The following PPME1 variants were observed in gnomAD, a reference collection of about 807,000 sequenced individuals.
PPME1 encodes protein phosphatase methylesterase 1, also known as testicular secretory protein Li 39.
A neutral mutation model predicts 56.9 loss-of-function variants in PPME1; 17 were observed. The ratio of observed to expected loss-of-function variants is 0.30; its 90% confidence interval spans 0.20 to 0.45. The LOEUF (loss-of-function observed/expected upper bound fraction) is 0.45. Ranked by LOEUF, PPME1 falls within the 20% of genes least tolerant of loss-of-function variation. PPME1 has a pLI of 1.00. For synonymous variants in PPME1, 122 were observed against 156.2 expected (o/e 0.78, Z 1.63); for missense variants, 357 against 483.2 (o/e 0.74, Z 2.45).
At chr11:74,196,797 T>C (rs1277380843) in intron 1 of PPME1, among the ~76,000 whole-genome samples, 4 of 152,206 alleles carry the variant, frequency 2.6e-5, no homozygotes, top group Non-Finnish European at 5.9e-5. Flanking sequence ...AATTTCTTAA[T>C]TAACTATTTT....
chr11:74,210,014 A>G (rs1317275233), intron 3 of PPME1, among the ~76,000 whole-genome samples: 1 of 152,204 alleles, frequency 6.6e-6, no homozygotes, highest in East Asian at 1.9e-4. Flanking sequence ...GTGAGCCAAG[A>G]TCGTGCTACT....
At chr11:74,210,096 A>G (rs1042001069) in intron 3 of PPME1, among the ~76,000 whole-genome samples, 9 of 152,202 alleles carry the variant, frequency 5.9e-5, no homozygotes, top group African/African-American at 2.2e-4. Flanking sequence ...TCACTTGCTC[A>G]TTCACCTAAT....
chr11:74,188,403 T>A (rs1219124876), intron 1 of PPME1, among the ~76,000 whole-genome samples: 1 of 151,998 alleles, frequency 6.6e-6, no homozygotes, highest in Admixed American at 6.6e-5. Flanking sequence ...GCCAGACTGA[T>A]CTTGAACTCC....
intron 1 of PPME1, among the ~76,000 whole-genome samples, chr11:74,172,147 G>A (rs1857264429): frequency 6.6e-6 from 1 of 152,170 alleles, no homozygotes; most frequent in Admixed American, 6.5e-5. Context: ...GAATGAGAAA[G>A]TTTAGGGAGT....
At chr11:74,172,021 C>T (rs1857257922) in intron 1 of PPME1, among the ~76,000 whole-genome samples, 2 of 151,972 alleles carry the variant, frequency 1.3e-5, no homozygotes, top group Admixed American at 6.6e-5. Flanking sequence ...AGAAAACACT[C>T]GAGACAGGGC....
chr11:74,218,358 C>T (rs1181624890), intron 3 of PPME1, among the ~76,000 whole-genome samples: 2 of 152,138 alleles, frequency 1.3e-5, no homozygotes, highest in African/African-American at 4.8e-5. Flanking sequence ...CAACACAATC[C>T]TATCAAAAAT....
intron 3 of PPME1, chr11:74,204,935 G>A (rs1165177143): frequency 1.3e-5 from 2 of 153,008 alleles, no homozygotes; most frequent in East Asian, 1.9e-4. Context: ...GCAATGTTAT[G>A]TGCCCTGAGT....
intron 11 of PPME1, 80 bp from the exon 12 acceptor site, chr11:74,250,874 G>C (rs1859640295): frequency 8.0e-7 from 1 of 1,250,492 alleles, no homozygotes; most frequent in Admixed American, 2.0e-5. Flanking sequence ...TAGGTCCTGG[G>C]CTCCTGGAAT....
At chr11:74,239,991 G>A (rs1030916689) in intron 9 of PPME1, among the ~76,000 whole-genome samples, 1 of 145,378 alleles carries the variant, frequency 6.9e-6, no homozygotes, top group African/African-American at 2.6e-5. Context: ...TTGAGACTGG[G>A]TTTTGCTATG....
At chr11:74,219,396 A>G (rs1479661750) in intron 3 of PPME1, among the ~76,000 whole-genome samples, 3 of 152,130 alleles carry the variant, frequency 2.0e-5, no homozygotes, top group East Asian at 1.9e-4. Context: ...GCTACTATGT[A>G]TATAGCCAAA....
intron 1 of PPME1, among the ~76,000 whole-genome samples, chr11:74,175,827 A>G (rs1236854373): frequency 6.6e-6 from 1 of 152,220 alleles, no homozygotes; most frequent in Admixed American, 6.5e-5. Context: ...GAAAACTGAA[A>G]TGTTCATTGA....
intron 4 of PPME1, 90 bp downstream of exon 4, chr11:74,222,459 A>T: frequency 8.7e-7 from 1 of 1,151,042 alleles, no homozygotes; most frequent in Non-Finnish European, 1.3e-6. Context: ...CAACGTGGCC[A>T]TAAAATAACC....
intron 3 of PPME1, among the ~76,000 whole-genome samples, chr11:74,217,507 C>A (rs142746425): frequency 2.7e-5 from 4 of 148,060 alleles, no homozygotes; most frequent in Non-Finnish European, 4.5e-5. Context: ...ATGCCGCTGC[C>A]CTCTATCCTG....
intron 3 of PPME1, among the ~76,000 whole-genome samples, chr11:74,207,333 G>C (rs1324426274): frequency 2.0e-5 from 3 of 152,158 alleles, no homozygotes; most frequent in African/African-American, 7.2e-5. Flanking sequence ...GGTTTGGGAG[G>C]GAAAATCCCC....
intron 8 of PPME1, among the ~76,000 whole-genome samples, chr11:74,237,160 T>G (rs903069975): frequency 6.7e-6 from 1 of 149,526 alleles, no homozygotes; most frequent in African/African-American, 2.4e-5. Context: ...GTTCCTTATA[T>G]TCTGTGTAAA....
At chr11:74,240,989 G>A (rs1327542103) in intron 9 of PPME1, among the ~76,000 whole-genome samples, 2 of 152,160 alleles carry the variant, frequency 1.3e-5, no homozygotes, top group South Asian at 2.1e-4. Flanking sequence ...AAAAGTTAAA[G>A]CTAAAACACA....
intron 7 of PPME1, among the ~76,000 whole-genome samples, chr11:74,234,246 A>T (rs752646066): frequency 2.2e-4 from 33 of 152,238 alleles, no homozygotes; most frequent in Non-Finnish European, 4.0e-4. Flanking sequence ...CTTATTACAT[A>T]TGTAAGTAGA....
chr11:74,242,273 A>T (rs956683297), intron 9 of PPME1, among the ~76,000 whole-genome samples: 4 of 152,160 alleles, frequency 2.6e-5, no homozygotes, highest in Non-Finnish European at 5.9e-5. Flanking sequence ...CTTTGCTGAA[A>T]ATCAATTGAC....
rs1352895390 is a variant in PPME1, at chr11:74,250,916, T to C, written c.1010-38T>C. ...TGAGGCTGCATAAGAGAGGGCTCTT[T>C]TAGTCGCTGAAGTTGCCTTGCTTTG... On this transcript the variant is annotated intron_variant, in intron 11 of 13. Coordinates refer to ENST00000328257, the MANE Select transcript of PPME1 (RefSeq NM_016147.3). 5 of 1,532,132 alleles carry C rather than the reference T, an allele frequency of 3.3e-6. No homozygotes were observed. The South Asian group carries it at 5.9e-5, about 18-fold the overall frequency. The allele number at this position is 1,532,132 out of a possible 1,614,324, so 94.9% of individuals were successfully genotyped here.
Sources: allele counts gnomAD v4.1 joint callset (sites outside exome capture counted in the v4.1 genomes callset), GRCh38; gene constraint gnomAD v4.1.1; transcripts MANE v1.5; gene names NCBI Gene and HGNC (gene_info 2026-07-23, HGNC 2026-07-21).